Variants in EIF2A observed in about 807,000 individuals in gnomAD.
The protein encoded by EIF2A is 65 kDa eukaryotic translation initiation factor 2A.
EIF2A carries 62 observed loss-of-function variants against 75.2 expected under a neutral mutation model. The observed-to-expected ratio is 0.82, with a 90% confidence interval of 0.67 to 1.02. The LOEUF is 1.02. Ranked by LOEUF, EIF2A falls within the 50% of genes least tolerant of loss-of-function variation. The pLI, the probability that EIF2A is intolerant of heterozygous loss-of-function variation, is 0.00. For synonymous variants in EIF2A, 207 were observed against 239.0 expected (o/e 0.87, Z 1.23); for missense variants, 611 against 677.7 (o/e 0.90, Z 1.09).
chr3:150,575,503 C>T, intron 10 of EIF2A, 146 bp from the exon 11 acceptor site: 1 of 610,114 alleles, frequency 1.6e-6, no homozygotes, highest in Non-Finnish European at 2.8e-6. Flanking sequence ...GAGTGTGCCA[C>T]TACCAATGAG....
chr3:150,584,217 A>G lies in EIF2A; in HGVS notation c.*306A>G, dbSNP rs990423305. 4.2e-6 allele frequency: 1 copy of G among 240,706 alleles called. No individual in the cohort carries two copies. The highest frequency in any genetic ancestry group is 2.3e-5 in the African/African-American group (1 of 44,308). 14.9% of individuals were successfully genotyped at this position (240,706 alleles called of 1,614,324 possible). A position where few individuals can be genotyped will look rare whatever the true frequency, so the allele number is the denominator to read the frequency against. On this transcript the variant is annotated 3_prime_UTR_variant, in exon 14 of 14. Coordinates refer to ENST00000460851, the MANE Select transcript of EIF2A (RefSeq NM_032025.5). ...TGTAGAGGGTGATATATACCATGTA[A>G]ATGAACAAAGACATTTTAAATTTAA...
chr3:150,549,257 T>G (rs1249113705), intron 1 of EIF2A, among the ~76,000 whole-genome samples: 1 of 151,008 alleles, frequency 6.6e-6, no homozygotes, highest in Non-Finnish European at 1.5e-5. Flanking sequence ...TCGCTCTTGT[T>G]GCCCAGGCTG....
intron 9 of EIF2A, 142 bp from the exon 10 acceptor site, chr3:150,571,816 G>A (rs538532663): frequency 3.5e-4 from 236 of 683,900 alleles, no homozygotes; most frequent in Non-Finnish European, 5.2e-4. Flanking sequence ...AGTATATAAT[G>A]TAAGAGTATT....
intron 10 of EIF2A, among the ~76,000 whole-genome samples, chr3:150,574,981 G>T (rs1307013752): frequency 6.6e-6 from 1 of 152,164 alleles, no homozygotes; most frequent in Non-Finnish European, 1.5e-5. Context: ...GAGATACATT[G>T]AATCTATAAT....
At chr3:150,548,773 G>A (rs186508112) in intron 1 of EIF2A, among the ~76,000 whole-genome samples, 77 of 152,318 alleles carry the variant, frequency 5.1e-4, no homozygotes, top group African/African-American at 1.8e-3. Flanking sequence ...GACTTTGTAA[G>A]AGCTTAAATG....
At chr3:150,567,825 T>C in intron 7 of EIF2A, 59 bp downstream of exon 7, 1 of 1,572,478 alleles carries the variant, frequency 6.4e-7, no homozygotes. Flanking sequence ...CCTAGTTTTT[T>C]GTGATTGTAA....
intron 9 of EIF2A, among the ~76,000 whole-genome samples, chr3:150,571,540 G>A (rs1485817560): frequency 1.3e-5 from 2 of 152,160 alleles, no homozygotes; most frequent in South Asian, 2.1e-4. Flanking sequence ...CCAGGAAGTC[G>A]AGGCAGCAGT....
At chr3:150,577,961 T>G (rs1724964663) in intron 11 of EIF2A, among the ~76,000 whole-genome samples, 1 of 152,198 alleles carries the variant, frequency 6.6e-6, no homozygotes, top group South Asian at 2.1e-4. Flanking sequence ...CTTTAGGTTA[T>G]TCCAAGTAAA....
chr3:150,582,515 C>CGTG (rs1305782452), intron 12 of EIF2A, among the ~76,000 whole-genome samples: 1 of 151,946 alleles, frequency 6.6e-6, no homozygotes, highest in Admixed American at 6.6e-5. Flanking sequence ...GGGGTTTCAC[C>CGTG]GTGTTAGCCA....
chr3:150,549,026 G>A (rs1403350084), intron 1 of EIF2A, among the ~76,000 whole-genome samples: 1 of 152,038 alleles, frequency 6.6e-6, no homozygotes, highest in African/African-American at 2.4e-5. Context: ...TAGACTCGTG[G>A]GATTTTAGAG....
chr3:150,562,282 C>G (rs541073566), intron 3 of EIF2A, among the ~76,000 whole-genome samples: 2 of 151,684 alleles, frequency 1.3e-5, no homozygotes, highest in Non-Finnish European at 2.9e-5. Flanking sequence ...ATTAGCCGGG[C>G]GTGGTGGCGG....
Position 150,563,522 on chromosome 3 carries a change from A to G in EIF2A, c.300A>G (p.Lys100=). 6.5e-7 allele frequency: 1 copy of G among 1,545,832 alleles called. No homozygotes were observed. Among genetic ancestry groups the G allele is most frequent in the Non-Finnish European group, 8.7e-7 (1 of 1,145,580 alleles). The change falls in exon 5 of 14, where the codon AAA becomes AAG. Residue 100 remains lysine, a synonymous_variant. Coordinates refer to ENST00000460851, the MANE Select transcript of EIF2A (RefSeq NM_032025.5). ...LATWQPYTTS[K]DGTAGIPNLQ... is the part of the protein sequence containing the mutation. ...AAAGAAATTTTATTGCAGCTTCTAA[A>G]GATGGCACAGCTGGGATACCCAACC...
chr3:150,553,495 G>C (rs1479675359), intron 2 of EIF2A, among the ~76,000 whole-genome samples: 14 of 151,840 alleles, frequency 9.2e-5, no homozygotes, highest in Non-Finnish European at 1.5e-5. Flanking sequence ...TGCAACCTCT[G>C]CCCCCCAGGT....
chr3:150,563,464 C>G, intron 4 of EIF2A, 51 bp from the exon 5 acceptor site: 8 of 1,375,540 alleles, frequency 5.8e-6, no homozygotes, highest in Non-Finnish European at 7.9e-6. Context: ...AAAAATAATC[C>G]CTTTACAAAT....
intron 1 of EIF2A, among the ~76,000 whole-genome samples, chr3:150,547,547 T>A (rs559420944): frequency 6.6e-6 from 1 of 152,226 alleles, no homozygotes; most frequent in African/African-American, 2.4e-5. Flanking sequence ...GCTAAGAGTC[T>A]GCATATGAGT....
chr3:150,564,735 A>G (rs911069313), intron 6 of EIF2A: 1 of 187,446 alleles, frequency 5.3e-6, no homozygotes, highest in Non-Finnish European at 1.1e-5. Flanking sequence ...CTTGTGGCCA[A>G]TCTTATCTCA....
intron 6 of EIF2A, chr3:150,566,407 G>T (rs1252697380): frequency 6.6e-6 from 1 of 152,134 alleles, no homozygotes. Flanking sequence ...ACATTAAAAG[G>T]TAATAGGGTT....
At chr3:150,551,937 A>G (rs1279418901) in intron 1 of EIF2A, among the ~76,000 whole-genome samples, 1 of 152,152 alleles carries the variant, frequency 6.6e-6, no homozygotes, top group Non-Finnish European at 1.5e-5. Context: ...AACTTTAAAC[A>G]TATACTTTTT....
chr3:150,546,913 G>A (rs774313001), intron 1 of EIF2A, 83 bp downstream of exon 1: 2 of 1,583,454 alleles, frequency 1.3e-6, no homozygotes, highest in Non-Finnish European at 8.6e-7. Context: ...TACCCGAGGA[G>A]CCGGGGAGTC....
Sources: gnomAD v4.1 joint callset for allele counts (sites outside exome capture counted in the v4.1 genomes callset) on GRCh38, gnomAD v4.1.1 for gene constraint, MANE v1.5 for transcripts, NCBI Gene and HGNC (gene_info 2026-07-23, HGNC 2026-07-21) for gene names.